The following IPMK variants were observed in gnomAD, a reference collection of about 807,000 sequenced individuals.
The protein encoded by IPMK is inositol 1,3,4,6-tetrakisphosphate 5-kinase.
A neutral mutation model predicts 45.8 loss-of-function variants in IPMK; 17 were observed. The observed-to-expected ratio is 0.37, with a 90% CI of 0.25 to 0.56. IPMK has a LOEUF of 0.56. Among genes scored for constraint, IPMK ranks in the 20% least tolerant of loss-of-function variants. The pLI, the probability that IPMK is intolerant of heterozygous loss-of-function variation, is 0.79. For synonymous variants in IPMK, 180 were observed against 184.3 expected, an observed-to-expected ratio of 0.98 and a Z score of 0.19; for missense variants, 399 against 498.0, an observed-to-expected ratio of 0.80 and a Z score of 1.89.
At chr10:58,266,327 C>G (rs956187008) in intron 1 of IPMK, among the ~76,000 whole-genome samples, 1 of 152,164 alleles carries the variant, frequency 6.6e-6, no homozygotes. Context: ...ATAGCATATA[C>G]TCAAATTAAT....
chr10:58,258,067 T>C (rs1190216429), intron 1 of IPMK, among the ~76,000 whole-genome samples: 1 of 152,060 alleles, frequency 6.6e-6, no homozygotes, highest in Non-Finnish European at 1.5e-5. Flanking sequence ...TCCCAGGACT[T>C]TGGGAGGCCA....
In IPMK at chr10:58,227,096, C is replaced by T. The variant is rs1838429424; in HGVS notation, c.320G>A (p.Arg107Gln). The T allele has an allele frequency of 2.5e-6, 4 of 1,613,300 alleles. No homozygotes were observed. The highest frequency in any genetic ancestry group is 4.5e-5 in the East Asian group (2 of 44,806). The change falls in exon 3 of 6, where the codon CGA becomes CAA. Residue 107 changes from arginine to glutamine, a missense_variant. Arg to Gln is a conservative substitution (Grantham distance 43). Around this residue, in one of 2 missense-constraint regions of IPMK, gnomAD observed 288 missense variants for 398.0 expected, o/e 0.72. Coordinates refer to ENST00000373935, the MANE Select transcript of IPMK (RefSeq NM_152230.5). ...GCCATAATATTTTGGCAAATATTTTCGTAGCTCTAGAAGAACACCATCAAA... is the reference window on the plus strand; with the variant it reads ...GCCATAATATTTTGGCAAATATTTTTGTAGCTCTAGAAGAACACCATCAAA... ...DCFDGVLLEL[R>Q]KYLPKYYGIW...
intron 2 of IPMK, among the ~76,000 whole-genome samples, chr10:58,235,321 T>C (rs1838593547): frequency 6.6e-6 from 1 of 152,176 alleles, no homozygotes; most frequent in South Asian, 2.1e-4. Context: ...ACTGGATATA[T>C]ACCCAAAGGA....
intron 1 of IPMK, among the ~76,000 whole-genome samples, chr10:58,258,167 G>A (rs773271829): frequency 2.6e-4 from 40 of 151,942 alleles, no homozygotes; most frequent in Admixed American, 1.3e-4. Context: ...AAAACTAGCC[G>A]GGCATGGTGG....
intron 1 of IPMK, among the ~76,000 whole-genome samples, chr10:58,256,188 C>G (rs1838964734): frequency 6.6e-6 from 1 of 152,158 alleles, no homozygotes; most frequent in South Asian, 2.1e-4. Flanking sequence ...CCAGGCAGAA[C>G]AGAGTCATAT....
chr10:58,226,165 A>G (rs1036545864), intron 3 of IPMK, among the ~76,000 whole-genome samples: 1 of 152,188 alleles, frequency 6.6e-6, no homozygotes, highest in Non-Finnish European at 1.5e-5. Flanking sequence ...AGGGTTCCCT[A>G]TTAGTGAAAC....
rs1456668262 is a variant in IPMK at position 58,250,362 on chromosome 10, T to C, written c.191-12548A>G. Among the ~76,000 whole-genome samples the C allele has an allele frequency of 2.0e-5, 3 of 152,208 alleles. 1 individual carries two copies. Among genetic ancestry groups the C allele is most frequent in the African/African-American group, 7.2e-5 (3 of 41,462 alleles). ...CTTCAATTCTTTCAGCAGTGTTTTA[T>C]AGTTTTTATTGTAAAGATATTTCAC... is the stretch of plus-strand genomic sequence containing the variant. On this transcript the variant is annotated intron_variant, in intron 1 of 5. Transcript: ENST00000373935.
intron 3 of IPMK, among the ~76,000 whole-genome samples, chr10:58,217,845 T>C (rs990974602): frequency 1.3e-5 from 2 of 152,116 alleles, no homozygotes; most frequent in Admixed American, 1.3e-4. Context: ...GTGTTTATTT[T>C]CTCTGAATTA....
intron 1 of IPMK, among the ~76,000 whole-genome samples, chr10:58,243,160 C>G (rs1220704969): frequency 6.6e-6 from 1 of 151,948 alleles, no homozygotes; most frequent in East Asian, 1.9e-4. Flanking sequence ...AAAGGCACAC[C>G]CATGTTGATT....
At chr10:58,236,982 G>T (rs1442628199) in intron 2 of IPMK, among the ~76,000 whole-genome samples, 1 of 152,160 alleles carries the variant, frequency 6.6e-6, no homozygotes, top group Non-Finnish European at 1.5e-5. Flanking sequence ...AGGCTGAGGT[G>T]GGAGAATAGC....
intron 1 of IPMK, among the ~76,000 whole-genome samples, chr10:58,266,533 A>G (rs996449429): frequency 1.3e-5 from 2 of 152,126 alleles, no homozygotes; most frequent in African/African-American, 4.8e-5. Flanking sequence ...CCTAAACCCG[A>G]ATCGTTTTAC....
intron 1 of IPMK, among the ~76,000 whole-genome samples, chr10:58,243,223 C>T (rs1270058903): frequency 2.0e-5 from 3 of 150,932 alleles, no homozygotes; most frequent in Non-Finnish European, 3.0e-5. Context: ...TGTCCATTGA[C>T]AAATGAAAGG....
In IPMK at chr10:58,196,537, T is replaced by C. The variant is rs1837897243; in HGVS notation, c.790A>G (p.Thr264Ala). Residue 264 changes from threonine to alanine, a missense_variant, in exon 6 of 6, where the codon ACC becomes GCC. By Grantham distance (58) the Thr-to-Ala change is moderately conservative (BLOSUM62 0). Around this residue, in one of 2 missense-constraint regions of IPMK, gnomAD observed 288 missense variants for 398.0 expected, o/e 0.72. Coordinates refer to ENST00000373935, the MANE Select transcript of IPMK (RefSeq NM_152230.5). The stretch of plus-strand genomic sequence containing the variant: ...GTTCTGTCATTCAATTTTGTAGTGG[T>C]TGGCTGAGATGAACCTTCATAAACA... ...LFVYEGSSQPTTTKLNDRTLA... is the reference protein window; with the variant it reads ...LFVYEGSSQPATTKLNDRTLA... The C allele has an allele frequency of 1.9e-6, 3 of 1,613,934 alleles. No homozygotes were observed. The highest frequency in any genetic ancestry group is 1.1e-5 in the South Asian group (1 of 91,078).
chr10:58,213,462 A>T (rs888884115), intron 4 of IPMK, among the ~76,000 whole-genome samples: 2 of 152,220 alleles, frequency 1.3e-5, no homozygotes, highest in Non-Finnish European at 2.9e-5. Flanking sequence ...AGGCGGGCGG[A>T]TCACAAGGTC....
chr10:58,259,671 T>TAAAA lies in IPMK; in HGVS notation c.190+7747_190+7750dup, dbSNP rs560813021. Among the ~76,000 whole-genome samples, 10 of 86,766 alleles carry TAAAA rather than the reference T, an allele frequency of 1.2e-4. 1 individual carries two copies. Among genetic ancestry groups the TAAAA allele is most frequent in the East Asian group, 4.5e-4 (1 of 2,202 alleles). The allele number at this position is 86,766 out of a possible 152,430, so 56.9% of individuals were successfully genotyped here. On this transcript the variant is annotated intron_variant, in intron 1 of 5. Transcript: ENST00000373935. ...AGCATGGTAAAATCCCATCTCTACATAAAAAAAAAAAAAAAACAATTAGCC... is the reference window on the plus strand; with the variant it reads ...AGCATGGTAAAATCCCATCTCTACATAAAAAAAAAAAAAAAAAAAACAATTAGCC...
intron 3 of IPMK, among the ~76,000 whole-genome samples, 156 bp downstream of exon 3, chr10:58,226,887 T>A (rs1186592705): frequency 6.6e-6 from 1 of 152,198 alleles, no homozygotes; most frequent in Non-Finnish European, 1.5e-5. Flanking sequence ...AAAGTATTAA[T>A]AAGTTTCATT....
intron 1 of IPMK, among the ~76,000 whole-genome samples, chr10:58,239,880 A>ACTAAACTCAGTCCCTTACC (rs1168585639): frequency 6.6e-6 from 1 of 152,194 alleles, no homozygotes; most frequent in Non-Finnish European, 1.5e-5. Context: ...CACTAGCTCA[A>ACTAAACTCAGTCCCTTACC]CTAAACTCAG....
At chr10:58,199,432 T>C (rs1261577993) in intron 4 of IPMK, 111 bp from the exon 5 acceptor site, 13 of 585,858 alleles carry the variant, frequency 2.2e-5, no homozygotes, top group East Asian at 1.6e-4. Context: ...TTCATTCTAA[T>C]AGATTTGAGA....
intron 2 of IPMK, 86 bp from the exon 3 acceptor site, chr10:58,227,225 T>C: frequency 9.8e-7 from 1 of 1,016,228 alleles, no homozygotes. Context: ...TTATGTTGAA[T>C]TATAATTCAT....
Sources: gnomAD v4.1 joint callset for allele counts (sites outside exome capture counted in the v4.1 genomes callset) on GRCh38, gnomAD v4.1.1 for gene constraint, gnomAD v4.1.1 regional missense constraint, MANE v1.5 for transcripts, NCBI Gene and HGNC (gene_info 2026-07-23, HGNC 2026-07-21) for gene names.